Variants in RARB observed in about 807,000 individuals in gnomAD.
RARB encodes the protein retinoic acid receptor beta.
Under a neutral mutation model 51.9 loss-of-function variants are expected in RARB, and 17 were observed. The ratio of observed to expected loss-of-function variants is 0.33; its 90% CI spans 0.22 to 0.49. RARB has a LOEUF of 0.49. RARB is among the 20% of genes least tolerant of loss of function. RARB has a pLI of 0.99. For missense variants in RARB, 369 were observed against 550.8 expected (o/e 0.67, Z 3.30); for synonymous variants, 215 against 195.4 (o/e 1.10, Z -0.84).
chr3:25,433,086 G>A (rs1349083621), intron 1 of RARB, among the ~76,000 whole-genome samples: 1 of 152,166 alleles, frequency 6.6e-6, no homozygotes, highest in Non-Finnish European at 1.5e-5. Context: ...AGAAATGGGA[G>A]TTTTTGATGA....
intron 5 of RARB, among the ~76,000 whole-genome samples, chr3:25,319,494 T>A (rs1704510313): frequency 6.6e-6 from 1 of 152,202 alleles, no homozygotes; most frequent in African/African-American, 2.4e-5. Flanking sequence ...ATTGTTAGTT[T>A]ATGCCTATTC....
chr3:25,045,825 T>G (rs1262412751), intron 2 of RARB, among the ~76,000 whole-genome samples: 1 of 152,260 alleles, frequency 6.6e-6, no homozygotes, highest in African/African-American at 2.4e-5. Flanking sequence ...AAATAAAATT[T>G]AATGTAGCCT....
chr3:25,032,665 A>G (rs1347392060), intron 2 of RARB, among the ~76,000 whole-genome samples: 1 of 152,224 alleles, frequency 6.6e-6, no homozygotes, highest in Non-Finnish European at 1.5e-5. Flanking sequence ...AGTCACTTTT[A>G]TATACTGTTG....
At chr3:25,285,044 C>T (rs56062751) in intron 5 of RARB, among the ~76,000 whole-genome samples, 14,703 of 152,246 alleles carry the variant, frequency 0.097, 956 homozygotes, top group South Asian at 0.25. Context: ...CCCTCTCTTA[C>T]TCACTTTTGC....
At position 25,048,857 on chromosome 3, in the gene RARB, G is replaced by A. The variant is rs1034902241; in HGVS notation, c.-379-11268G>A. On this transcript the variant is annotated intron_variant, in intron 2 of 11. Coordinates refer to the RARB transcript ENST00000383772. ...TGCAAGCTCCGCCTCCCGGGTTCTC[G>A]CCATTCTCCTGCCTCAGCCTCCCCA... 4.2e-5 allele frequency among the ~76,000 whole-genome samples: 6 copies of A among 142,794 alleles called. No individual in the cohort carries two copies. The East Asian group carries it at 6.3e-4, about 15-fold the overall frequency. 93.7% of individuals were successfully genotyped at this position (142,794 alleles called of 152,430 possible). A position where few individuals can be genotyped will look rare whatever the true frequency, so the allele number is the denominator to read the frequency against.
chr3:25,115,557 T>TCTCCC (rs1699671040), intron 3 of RARB, among the ~76,000 whole-genome samples: 2 of 152,040 alleles, frequency 1.3e-5, no homozygotes, highest in South Asian at 2.1e-4. Flanking sequence ...TTGCTTCTTT[T>TCTCCC]CTCCCCTCCC....
intron 5 of RARB, among the ~76,000 whole-genome samples, chr3:25,363,829 C>T (rs1268557161): frequency 2.0e-5 from 3 of 152,208 alleles, no homozygotes; most frequent in Non-Finnish European, 4.4e-5. Flanking sequence ...TCCCTACTAA[C>T]ATCTCTTTCT....
At chr3:25,307,095 A>G (rs1704171089) in intron 5 of RARB, among the ~76,000 whole-genome samples, 3 of 152,186 alleles carry the variant, frequency 2.0e-5, no homozygotes, top group Non-Finnish European at 2.9e-5. Context: ...GTTAAAAATT[A>G]TAATATAGAT....
rs528782120 is a variant in RARB, at chr3:25,159,039, C to T, written c.-279-15080C>T. Among the ~76,000 whole-genome samples the T allele has an allele frequency of 7.0e-4, 105 of 151,040 alleles. 1 individual carries two copies. Among genetic ancestry groups the T allele is most frequent in the African/African-American group, 2.2e-3 (89 of 41,100 alleles). ...TAGATGCAGAAGAAGTTGGGAAATA[C>T]TGTTTGGCTGTGTAAGTGAAAAAAA... On this transcript the variant is annotated intron_variant, in intron 4 of 11. Transcript: ENST00000383772.
At chr3:25,474,753 C>G (rs1695870691) in intron 2 of RARB, among the ~76,000 whole-genome samples, 1 of 152,090 alleles carries the variant, frequency 6.6e-6, no homozygotes, top group African/African-American at 2.4e-5. Context: ...AGTGATTCTG[C>G]TAATTCTTGT....
intron 3 of RARB, among the ~76,000 whole-genome samples, chr3:25,529,983 C>T (rs1421824074): frequency 6.6e-6 from 1 of 152,154 alleles, no homozygotes; most frequent in African/African-American, 2.4e-5. Context: ...CCCTTCATGT[C>T]CTGGCCCCTG....
intron 2 of RARB, among the ~76,000 whole-genome samples, chr3:24,876,786 G>T (rs942592308): frequency 6.6e-6 from 1 of 152,044 alleles, no homozygotes; most frequent in South Asian, 2.1e-4. Flanking sequence ...ATTTTCTTAC[G>T]TATGGAAACA....
chr3:24,867,756 G>A (rs1390485409), intron 2 of RARB, among the ~76,000 whole-genome samples: 1 of 151,968 alleles, frequency 6.6e-6, no homozygotes, highest in Non-Finnish European at 1.5e-5. Context: ...CTCTTGTTCA[G>A]GTCCTGCCAG....
intron 5 of RARB, among the ~76,000 whole-genome samples, chr3:25,321,944 T>A (rs1451316153): frequency 1.3e-5 from 2 of 151,724 alleles, no homozygotes; most frequent in Non-Finnish European, 2.9e-5. Flanking sequence ...TGCTAATTGA[T>A]GTGATGATTC....
At chr3:24,877,037 A>G (rs1703059690) in intron 2 of RARB, among the ~76,000 whole-genome samples, 1 of 152,118 alleles carries the variant, frequency 6.6e-6, no homozygotes, top group African/African-American at 2.4e-5. Context: ...ATATATGTAA[A>G]TGTATTTGTT....
At chr3:25,116,914 T>C (rs1182387629) in intron 3 of RARB, among the ~76,000 whole-genome samples, 1 of 152,280 alleles carries the variant, frequency 6.6e-6, no homozygotes, top group Middle Eastern at 3.4e-3. Flanking sequence ...TGATTTTAAA[T>C]TGAAATTATT....
chr3:25,360,904 C>T (rs190122772), intron 5 of RARB, among the ~76,000 whole-genome samples: 3 of 152,130 alleles, frequency 2.0e-5, no homozygotes, highest in Non-Finnish European at 4.4e-5. Context: ...TCTGGCTGCC[C>T]TTAACATTTT....
intron 4 of RARB, among the ~76,000 whole-genome samples, chr3:25,137,479 T>C (rs1700048058): frequency 6.6e-6 from 1 of 152,050 alleles, no homozygotes; most frequent in African/African-American, 2.4e-5. Context: ...TACAGTAACT[T>C]ACAGAAAAAC....
chr3:25,452,634 C>G (rs1709243445), intron 1 of RARB, among the ~76,000 whole-genome samples: 1 of 148,706 alleles, frequency 6.7e-6, no homozygotes, highest in South Asian at 2.2e-4. Context: ...GGAAACAAAT[C>G]AGGGAGATGG....
Sources: allele counts gnomAD v4.1 joint callset (sites outside exome capture counted in the v4.1 genomes callset), GRCh38; gene constraint gnomAD v4.1.1; transcripts MANE v1.5; gene names NCBI Gene and HGNC (gene_info 2026-07-23, HGNC 2026-07-21).